FNDC1: variants seen among roughly 807,000 people sequenced by gnomAD.
The protein encoded by FNDC1 is fibronectin type III domain containing 1.
A neutral mutation model predicts 168.0 loss-of-function variants in FNDC1; 96 were observed. That is an observed-to-expected ratio of 0.57 (90% CI 0.48 to 0.68). The LOEUF (loss-of-function observed/expected upper bound fraction) is 0.68. FNDC1 is among the 30% of genes least tolerant of loss of function. The pLI, the probability that FNDC1 is intolerant of heterozygous loss-of-function variation, is 0.00. For missense variants in FNDC1, 2,587 were observed against 2,482.1 expected, an observed-to-expected ratio of 1.04 and a Z score of -0.90; for synonymous variants, 1,099 against 1,025.9, an observed-to-expected ratio of 1.07 and a Z score of -1.36.
rs1266744336 is a variant in FNDC1 at position 159,251,427 on chromosome 6, C to T, written c.4960C>T (p.Pro1654Ser). ...CAATGACCTGAAGAAGAGTGACCTG[C>T]CTCCCCAGCATGCTCCCCGCAACAT... The part of the protein sequence containing the change: ...IPNDLKKSDL[P>S]PQHAPRNITV... Residue 1654 changes from proline to serine, a missense_variant, in exon 17 of 23, where the codon CCT becomes TCT. Physicochemically the swap from Pro to Ser is moderately conservative, Grantham distance 74 (BLOSUM62 -1). Coordinates refer to ENST00000297267, the MANE Select transcript of FNDC1 (RefSeq NM_032532.3). The T allele has an allele frequency of 6.2e-7, 1 of 1,613,804 alleles. No homozygotes were observed. Among genetic ancestry groups the T allele is most frequent in the East Asian group, 2.2e-5 (1 of 44,888 alleles).
intron 15 of FNDC1, among the ~76,000 whole-genome samples, 173 bp from the exon 16 acceptor site, chr6:159,248,866 A>G (rs1562307991): frequency 6.6e-6 from 1 of 152,160 alleles, no homozygotes; most frequent in Non-Finnish European, 1.5e-5. Flanking sequence ...ATAGTATTTT[A>G]GTAGAAACAA....
Position 159,267,939 on chromosome 6 carries a change from A to C in FNDC1, c.5569+13A>C. The stretch of plus-strand genomic sequence containing the variant: ...CCTACTATTCAAGGTAATACAAACA[A>C]ATGCCTGATATATTATCCTAGGAGG... On this transcript the variant is annotated intron_variant, in intron 22 of 22. Transcript: ENST00000297267. The C allele has an allele frequency of 1.2e-6, 2 of 1,603,126 alleles. No individual in the cohort carries two copies. The highest frequency in any genetic ancestry group is 2.2e-5 in the South Asian group (2 of 88,908).
Position 159,233,514 on chromosome 6 carries a change from C to A in FNDC1, c.3002C>A (p.Ala1001Asp), listed in dbSNP as rs1478676482. Residue 1001 changes from alanine (A) to aspartate (D), a missense_variant, in exon 11 of 23, where the codon GCC becomes GAC. By Grantham distance (126) the Ala-to-Asp change is moderately radical. Coordinates refer to ENST00000297267, the MANE Select transcript of FNDC1 (RefSeq NM_032532.3). This position sits in a 1 kb window ranked among gnomAD's most constrained non-coding sequence, Gnocchi z 4.6. The part of the protein sequence containing the change: ...SVPRRMTPGR[A>D]PQQQPPPPVA... ...CCCAGAAGGATGACACCCGGCCGGG[C>A]CCCACAACAGCAGCCCCCTCCTCCC... 1 of 1,601,428 alleles carries A rather than the reference C, an allele frequency of 6.2e-7. No homozygotes were observed. The highest frequency in any genetic ancestry group is 1.1e-5 in the South Asian group (1 of 89,920).
At chr6:159,241,811 C>G (rs1163180056) in intron 14 of FNDC1, among the ~76,000 whole-genome samples, 1 of 152,130 alleles carries the variant, frequency 6.6e-6, no homozygotes, top group Admixed American at 6.5e-5. Flanking sequence ...CATATTTAAT[C>G]CATACATGTC....
intron 13 of FNDC1, 48 bp from the exon 14 acceptor site, chr6:159,239,469 C>A (rs1421574038): frequency 6.8e-7 from 1 of 1,474,652 alleles, no homozygotes; most frequent in Non-Finnish European, 9.1e-7. Context: ...TTTATTTTCT[C>A]TGGATTGCTT....
chr6:159,223,544 T>A lies in FNDC1; in HGVS notation c.783T>A (p.Asp261Glu). 1 of 1,613,044 alleles carries A rather than the reference T, an allele frequency of 6.2e-7. No individual in the cohort carries two copies. Among genetic ancestry groups the A allele is most frequent in the Non-Finnish European group, 8.5e-7 (1 of 1,179,286 alleles). Residue 261 changes from aspartate (D) to glutamate (E), a missense_variant, in exon 7 of 23, where the codon GAT (aspartate) becomes GAA (glutamate). Asp to Glu is a conservative substitution (Grantham distance 45). Transcript: ENST00000297267. ...KRKISEEDEL[D>E]VPDDISVRVM... is the part of the protein sequence containing the mutation. ...TCATTTCAGAAGAGGACGAATTGGA[T>A]GTACCTGACGACATCAGCGTCCGGG...
At position 159,233,082 on chromosome 6, in the gene FNDC1, C is replaced by G; in HGVS notation, c.2570C>G (p.Ala857Gly). 4 of 1,604,292 alleles carry G rather than the reference C, an allele frequency of 2.5e-6. No homozygotes were observed. The highest frequency in any genetic ancestry group is 3.4e-6 in the Non-Finnish European group (4 of 1,175,732). ...SSPQSTVPSR[A>G]HPRVPSHSDS... ...CCACAGTCGACTGTGCCCTCCCGAG[C>G]CCACCCCAGGGTTCCCTCTCACTCT... The change falls in exon 11 of 23, where the codon GCC becomes GGC. Residue 857 changes from alanine (A) to glycine (G), a missense_variant. Coordinates refer to ENST00000297267, the MANE Select transcript of FNDC1 (RefSeq NM_032532.3). This position sits in a 1 kb window ranked among gnomAD's most constrained non-coding sequence, Gnocchi z 4.6.
intron 1 of FNDC1, among the ~76,000 whole-genome samples, chr6:159,172,614 G>T (rs1437988737): frequency 6.6e-6 from 1 of 152,170 alleles, no homozygotes; most frequent in African/African-American, 2.4e-5. Flanking sequence ...TAAACCAATA[G>T]ATCCAAATGA....
chr6:159,216,412 T>C (rs1236842046), intron 5 of FNDC1, among the ~76,000 whole-genome samples: 4 of 152,338 alleles, frequency 2.6e-5, no homozygotes, highest in African/African-American at 9.6e-5. Context: ...GAAGAGATTA[T>C]GTGCTCCTTC....
intron 1 of FNDC1, among the ~76,000 whole-genome samples, chr6:159,173,638 G>A (rs759364075): frequency 1.7e-4 from 26 of 152,128 alleles, no homozygotes; most frequent in African/African-American, 4.6e-4. Context: ...CTAAAGGCCC[G>A]TTCCCTGAAA....
intron 9 of FNDC1, among the ~76,000 whole-genome samples, chr6:159,227,830 C>G (rs559733955): frequency 1.3e-5 from 2 of 152,190 alleles, no homozygotes; most frequent in Admixed American, 6.5e-5. Context: ...AAAAAAGGTC[C>G]ATGCATTAGT....
At chr6:159,268,620 A>G (rs1221672131) in intron 22 of FNDC1, among the ~76,000 whole-genome samples, 1 of 151,714 alleles carries the variant, frequency 6.6e-6, no homozygotes, top group African/African-American at 2.4e-5. Context: ...ATATCTATCT[A>G]CTCAACTACC....
chr6:159,265,705 G>A (rs372678385), intron 20 of FNDC1, among the ~76,000 whole-genome samples: 5 of 152,132 alleles, frequency 3.3e-5, no homozygotes, highest in Non-Finnish European at 5.9e-5. Context: ...CAAGGTGGGC[G>A]GATTGCGAGG....
At chr6:159,190,537 G>A (rs1412717263) in intron 1 of FNDC1, among the ~76,000 whole-genome samples, 2 of 152,246 alleles carry the variant, frequency 1.3e-5, no homozygotes, top group Non-Finnish European at 2.9e-5. Context: ...TGCGTGCTGA[G>A]TAGTCTGCCC....
In FNDC1 at chr6:159,175,067, C is replaced by G. The variant is rs556083792; in HGVS notation, c.109+5362C>G. Among the ~76,000 whole-genome samples, 63 of 152,196 alleles carry G rather than the reference C, an allele frequency of 4.1e-4. No individual in the cohort carries two copies. The South Asian group carries it at 0.012, about 29-fold the overall frequency. ...CATGTTAATTACAAAGTAGATGCTG[C>G]TCACATTTTTTTTACCGCAGTCTCC... On this transcript the variant is annotated intron_variant, in intron 1 of 22. Transcript: ENST00000297267.
rs1002401278 is a variant in FNDC1 at position 159,200,545 on chromosome 6, A to T, written c.424A>T (p.Ile142Phe). ...ATGGATCGAGATTGATGGTTTTCCC[A>T]TTAAGGGTCCAGGACCATTTAATGA... ...GEWIEIDGFP[I>F]KGPGPFNETV... is the part of the protein sequence containing the mutation. Residue 142 changes from isoleucine (I) to phenylalanine (F), a missense_variant, in exon 4 of 23, where the codon ATT (isoleucine) becomes TTT (phenylalanine). Physicochemically the swap from Ile to Phe is conservative, Grantham distance 21. Coordinates refer to ENST00000297267, the MANE Select transcript of FNDC1 (RefSeq NM_032532.3). The T allele has an allele frequency of 1.9e-6, 3 of 1,600,264 alleles. No homozygotes were observed. The Admixed American group carries it at 5.1e-5, about 27-fold the overall frequency.
chr6:159,253,356 G>C (rs1048068685), intron 17 of FNDC1, among the ~76,000 whole-genome samples: 8 of 152,158 alleles, frequency 5.3e-5, no homozygotes, highest in African/African-American at 1.7e-4. Flanking sequence ...CCAAACACCG[G>C]CTCTTTCATC....
intron 1 of FNDC1, among the ~76,000 whole-genome samples, chr6:159,196,462 T>A (rs1055778941): frequency 2.0e-5 from 3 of 152,248 alleles, no homozygotes; most frequent in Non-Finnish European, 4.4e-5. Flanking sequence ...TAAAATCACA[T>A]ACTAACTCAC....
chr6:159,185,531 T>C (rs1781976771), intron 1 of FNDC1, among the ~76,000 whole-genome samples: 1 of 152,198 alleles, frequency 6.6e-6, no homozygotes, highest in Admixed American at 6.5e-5. Flanking sequence ...GACTGTCCCA[T>C]GGTTTAACAA....
Sources: allele counts gnomAD v4.1 joint callset (sites outside exome capture counted in the v4.1 genomes callset), GRCh38; gene constraint gnomAD v4.1.1; non-coding constraint Gnocchi (gnomAD v3.1); transcripts MANE v1.5; gene names NCBI Gene and HGNC (gene_info 2026-07-23, HGNC 2026-07-21).